Variants in FAM153A observed in about 807,000 individuals in gnomAD.
FAM153A encodes family with sequence similarity 153 member A.
Under a neutral mutation model 48.1 loss-of-function variants are expected in FAM153A, and 12 were observed. The ratio of observed to expected loss-of-function variants is 0.25; its 90% CI spans 0.16 to 0.40. The LOEUF is 0.40. FAM153A is among the 10% of genes least tolerant of loss of function. FAM153A has a pLI of 1.00. For missense variants in FAM153A, 111 were observed against 345.8 expected (o/e 0.32, Z 5.38); for synonymous variants, 36 against 118.2 (o/e 0.30, Z 4.51).
chr5:177,709,475 C>T (rs113919122), downstream of FAM153A, among the ~76,000 whole-genome samples: 2,039 of 149,832 alleles, frequency 0.014, 89 homozygotes, highest in African/African-American at 0.049. Flanking sequence ...GATTCTCCTG[C>T]CTCAGCCTCC....
downstream of FAM153A, among the ~76,000 whole-genome samples, chr5:177,707,304 A>G (rs1696914): frequency 2.0e-5 from 3 of 151,738 alleles, no homozygotes; most frequent in African/African-American, 4.9e-5. Context: ...AATCTCAAAA[A>G]AGCATTTAAA....
intron 16 of FAM153A, among the ~76,000 whole-genome samples, chr5:177,731,041 A>C (rs1582340649): frequency 4.7e-5 from 2 of 42,932 alleles, no homozygotes; most frequent in African/African-American, 1.0e-4. Context: ...GTACCACCCC[A>C]CCTTAGATGA....
intron 13 of FAM153A, among the ~76,000 whole-genome samples, chr5:177,734,634 G>T (rs1210357404): frequency 4.9e-5 from 7 of 142,838 alleles, no homozygotes; most frequent in Non-Finnish European, 1.0e-4. Flanking sequence ...GCTCCAAAGA[G>T]AACAAAATTG....
downstream of FAM153A, among the ~76,000 whole-genome samples, chr5:177,704,304 A>C (rs370413702): frequency 0.06 from 2,982 of 49,940 alleles, 2 homozygotes; most frequent in East Asian, 0.14. Flanking sequence ...TGATTGGACC[A>C]TGGAGGCGGT....
At chr5:177,728,292 G>A (rs1184679003) in intron 18 of FAM153A, among the ~76,000 whole-genome samples, 1 of 143,282 alleles carries the variant, frequency 7.0e-6, no homozygotes, top group South Asian at 2.3e-4. Flanking sequence ...TGTGGTGGAC[G>A]ATGAATGGGT....
chr5:177,710,895 C>A (rs1758368711), downstream of FAM153A, among the ~76,000 whole-genome samples: 1 of 151,048 alleles, frequency 6.6e-6, no homozygotes, highest in Non-Finnish European at 1.5e-5. Flanking sequence ...GGTGATCCAC[C>A]CTCCTCGGCC....
chr5:177,706,224 T>C (rs913983191), downstream of FAM153A, among the ~76,000 whole-genome samples: 4 of 151,446 alleles, frequency 2.6e-5, no homozygotes, highest in African/African-American at 9.8e-5. Context: ...TGAGACAGAG[T>C]CTTGCTCTGT....
chr5:177,738,164 A>G (rs886155280), intron 10 of FAM153A, among the ~76,000 whole-genome samples: 1 of 151,332 alleles, frequency 6.6e-6, no homozygotes, highest in African/African-American at 2.5e-5. Flanking sequence ...GAGCACCAGG[A>G]TAACACCCAA....
At chr5:177,739,270 C>T (rs944342446) in intron 9 of FAM153A, 133 bp from the exon 12 acceptor site, 2 of 798,252 alleles carry the variant, frequency 2.5e-6, no homozygotes, top group Non-Finnish European at 4.0e-6. Context: ...AAAAATAAAG[C>T]CTAGAGAACA....
At chr5:177,764,636 G>T (rs1582521095) in intron 1 of FAM153A, among the ~76,000 whole-genome samples, 1 of 150,236 alleles carries the variant, frequency 6.7e-6, no homozygotes, top group Admixed American at 6.6e-5. Flanking sequence ...ACCTGGGCTG[G>T]CCCAGATGAG....
the FAM153A span, among the ~76,000 whole-genome samples, chr5:177,701,473 G>A: frequency 1.2e-3 from 184 of 151,914 alleles, 1 homozygote; most frequent in Non-Finnish European, 1.8e-3. Context: ...GCTGAGGCAC[G>A]AGTATTGCTT....
chr5:177,699,215 T>C, the FAM153A span, among the ~76,000 whole-genome samples: 1 of 151,674 alleles, frequency 6.6e-6, no homozygotes, highest in Non-Finnish European at 1.5e-5. Context: ...AAATTGATAG[T>C]TGTAAATGCC....
exon 27 of FAM153A, chr5:177,712,047 A>G (rs1271158023): frequency 1.3e-5 from 2 of 151,946 alleles, no homozygotes; most frequent in Non-Finnish European, 2.9e-5. Flanking sequence ...TGCAAAACAC[A>G]TGTCTGATAA....
At chr5:177,718,898 T>C (rs187042975), downstream of FAM153A, among the ~76,000 whole-genome samples, 18,018 of 149,258 alleles carry the variant, frequency 0.12, 1,304 homozygotes, top group East Asian at 0.33. Context: ...ATTTTTTTTT[T>C]TGAGATAGAG....
Position 177,730,521 on chromosome 5 carries a change from C to T in FAM153A, c.863-966G>A, listed in dbSNP as rs1489661086. Reference sequence around the variant, plus strand: ...TCTGTGTGTTTGACATTAATGGTCACACTAAAGCCCACTGCGCAATGTACC... The same window carrying T: ...TCTGTGTGTTTGACATTAATGGTCATACTAAAGCCCACTGCGCAATGTACC... On this transcript the variant is annotated intron_variant, in intron 16 of 20. Transcript: ENST00000614127. Among the ~76,000 whole-genome samples, 5 of 108,948 alleles carry T rather than the reference C, an allele frequency of 4.6e-5. 2 individuals are homozygous for T. Among genetic ancestry groups the T allele is most frequent in the Admixed American group, 2.0e-4 (2 of 10,150 alleles). 71.5% of individuals were successfully genotyped at this position (108,948 alleles called of 152,430 possible).
intron 1 of FAM153A, among the ~76,000 whole-genome samples, chr5:177,761,342 G>A (rs536973681): frequency 4.1e-4 from 63 of 151,808 alleles, no homozygotes; most frequent in Non-Finnish European, 7.4e-4. Context: ...AGGCCTGGCC[G>A]GAAAAGGGCA....
intron 10 of FAM153A, among the ~76,000 whole-genome samples, chr5:177,738,712 G>A (rs1426008567): frequency 6.6e-6 from 1 of 151,238 alleles, no homozygotes; most frequent in Non-Finnish European, 1.5e-5. Flanking sequence ...CTGTGGTGGA[G>A]GATAAATGGG....
rs140396993 is a variant in FAM153A, at chr5:177,730,479, T to A, written c.863-924A>T. The stretch of plus-strand genomic sequence containing the variant: ...CTGAGGAATGACCTCAACACTGTAG[T>A]CCAAAAGCCTGAGGACTCTGTGTGT... On this transcript the variant is annotated intron_variant, in intron 16 of 20. Coordinates refer to ENST00000614127, the Ensembl canonical transcript of FAM153A. Among the ~76,000 whole-genome samples the A allele has an allele frequency of 9.4e-3, 1,090 of 115,874 alleles. 8 individuals carry two copies. The highest frequency in any genetic ancestry group is 0.029 in the Middle Eastern group (6 of 206). The allele number at this position is 115,874 out of a possible 152,430, so 76.0% of individuals were successfully genotyped here. A position where few individuals can be genotyped will look rare whatever the true frequency, so the allele number is the denominator to read the frequency against.
At chr5:177,696,173 C>T in the FAM153A span, among the ~76,000 whole-genome samples, 1 of 113,410 alleles carries the variant, frequency 8.8e-6, no homozygotes, top group African/African-American at 3.4e-5. Flanking sequence ...AGGCACTCCT[C>T]ACTTCCTAGA....
Sources: gnomAD v4.1 joint callset for allele counts (sites outside exome capture counted in the v4.1 genomes callset) on GRCh38, gnomAD v4.1.1 for gene constraint, MANE v1.5 for transcripts, NCBI Gene and HGNC (gene_info 2026-07-23, HGNC 2026-07-21) for gene names.